Variants in SNAP47 observed in about 807,000 individuals in gnomAD.
SNAP47 encodes the protein synaptosomal-associated protein 47.
SNAP47 carries 20 observed loss-of-function variants against 31.4 expected under a neutral mutation model. The observed-to-expected ratio is 0.64, with a 90% CI of 0.45 to 0.93. The LOEUF is 0.93. Ranked by LOEUF, SNAP47 falls within the 40% of genes least tolerant of loss-of-function variation. The pLI is 0.00. For missense variants in SNAP47, 492 were observed against 528.5 expected, an observed-to-expected ratio of 0.93 and a Z score of 0.68; for synonymous variants, 194 against 213.4, an observed-to-expected ratio of 0.91 and a Z score of 0.79.
At chr1:227,754,957 G>T (rs971277587) in intron 2 of SNAP47, among the ~76,000 whole-genome samples, 1 of 152,154 alleles carries the variant, frequency 6.6e-6, no homozygotes, top group Non-Finnish European at 1.5e-5. Context: ...AAGCACCCCA[G>T]CCAACTGAAT....
upstream of SNAP47, chr1:227,735,285 C>A: frequency 6.2e-7 from 1 of 1,606,140 alleles, no homozygotes; most frequent in South Asian, 1.1e-5. Context: ...CAGCTCAGCA[C>A]GGGTCGAAGG....
chr1:227,759,046 T>G lies in SNAP47; in HGVS notation c.549T>G (p.Leu183=). ...CTTGGTGGCCCTTTAGCTCCAAGCT[T>G]TGGAAGACACCACCGGAAACAAAGC... is the stretch of plus-strand genomic sequence containing the variant. ...SPAWWPFSSK[L]WKTPPETKPR... Residue 183 remains leucine (L), a synonymous_variant, in exon 3 of 5, where the codon CTT becomes CTG. Transcript: ENST00000617596. 1 of 1,613,564 alleles carries G rather than the reference T, an allele frequency of 6.2e-7. No homozygotes were observed. Among genetic ancestry groups the G allele is most frequent in the Non-Finnish European group, 8.5e-7 (1 of 1,179,814 alleles).
intron 4 of SNAP47, chr1:227,768,331 T>A (rs1441184590): frequency 2.0e-6 from 2 of 985,442 alleles, no homozygotes; most frequent in Non-Finnish European, 2.4e-6. Flanking sequence ...ACGCAGGGCA[T>A]GGGCTCCCCG....
intron 1 of SNAP47, among the ~76,000 whole-genome samples, chr1:227,735,945 C>T (rs1399403537): frequency 2.8e-5 from 4 of 142,394 alleles, no homozygotes; most frequent in Non-Finnish European, 6.1e-5. Context: ...ACAGTGGGGA[C>T]CTGGAGAGGA....
At chr1:227,754,659 C>T (rs567015331) in intron 2 of SNAP47, among the ~76,000 whole-genome samples, 1 of 152,290 alleles carries the variant, frequency 6.6e-6, no homozygotes, top group South Asian at 2.1e-4. Flanking sequence ...TCATTGTGTG[C>T]TTGGCAGGTC....
At chr1:227,735,088 C>A, upstream of SNAP47, 1 of 1,571,982 alleles carries the variant, frequency 6.4e-7, no homozygotes, top group Non-Finnish European at 8.6e-7. Flanking sequence ...CCCAGCCCTG[C>A]GTGAAGGCGC....
chr1:227,735,739 C>T, intron 1 of SNAP47: 4 of 980,850 alleles, frequency 4.1e-6, no homozygotes, highest in Non-Finnish European at 4.8e-6. Context: ...CGGTGGGACC[C>T]AGAGGGAGAG....
intron 3 of SNAP47, among the ~76,000 whole-genome samples, chr1:227,760,907 A>G (rs1336041059): frequency 6.6e-6 from 1 of 152,214 alleles, no homozygotes; most frequent in Non-Finnish European, 1.5e-5. Flanking sequence ...TGCCATGGTA[A>G]AATCCACCGA....
intron 1 of SNAP47, among the ~76,000 whole-genome samples, chr1:227,729,596 G>A (rs541724077): frequency 2.6e-5 from 4 of 152,268 alleles, no homozygotes; most frequent in African/African-American, 9.6e-5. Context: ...AGGGTAGCTG[G>A]CCAAGGAGCT....
At chr1:227,739,029 G>C (rs764411749) in intron 1 of SNAP47, among the ~76,000 whole-genome samples, 7 of 152,172 alleles carry the variant, frequency 4.6e-5, no homozygotes, top group African/African-American at 7.2e-5. Flanking sequence ...AGGAGGCCTG[G>C]AGTGTTATCA....
At chr1:227,740,561 T>C (rs1332632389) in intron 1 of SNAP47, among the ~76,000 whole-genome samples, 3 of 152,068 alleles carry the variant, frequency 2.0e-5, no homozygotes, top group African/African-American at 7.2e-5. Context: ...ACACATATAA[T>C]GGAAAGACTG....
At position 227,751,744 on chromosome 1, in the gene SNAP47, GTTTTTTTT is replaced by G. The variant is rs540732076; in HGVS notation, c.497+3541_497+3548del. Among the ~76,000 whole-genome samples, 466 of 69,172 alleles carry G rather than the reference GTTTTTTTT, an allele frequency of 6.7e-3. 11 individuals carry two copies. The South Asian group carries it at 0.097, about 14-fold the overall frequency. 45.4% of individuals were successfully genotyped at this position (69,172 alleles called of 152,430 possible). A position where few individuals can be genotyped will look rare whatever the true frequency, so the allele number is the denominator to read the frequency against. ...ATGGGGCCAATTACATAAAGACTTG[GTTTTTTTT>G]TTTTTTTTTTTTTTTTTTTTTTTTT... On this transcript the variant is annotated intron_variant, in intron 2 of 4. Coordinates refer to ENST00000617596, the MANE Select transcript of SNAP47 (RefSeq NM_053052.4).
intron 4 of SNAP47, among the ~76,000 whole-genome samples, chr1:227,774,928 G>A (rs985655246): frequency 2.6e-5 from 4 of 152,214 alleles, no homozygotes; most frequent in Non-Finnish European, 4.4e-5. Flanking sequence ...TCCAGTCCAG[G>A]CCCAGCTCCT....
At chr1:227,770,582 T>C (rs1249483994) in intron 4 of SNAP47, 3 of 154,830 alleles carry the variant, frequency 1.9e-5, no homozygotes, top group Non-Finnish European at 2.9e-5. Context: ...AACTGGAGAA[T>C]GCATTGCATC....
chr1:227,738,015 G>GGTTTTTTT (rs1661342082), intron 1 of SNAP47, among the ~76,000 whole-genome samples: 1 of 151,600 alleles, frequency 6.6e-6, no homozygotes, highest in African/African-American at 2.4e-5. Context: ...GGTTTTTTTT[G>GGTTTTTTT]GTTTTTTTGT....
intron 2 of SNAP47, among the ~76,000 whole-genome samples, chr1:227,751,559 C>T (rs1477778663): frequency 6.6e-6 from 1 of 152,144 alleles, no homozygotes; most frequent in East Asian, 1.9e-4. Flanking sequence ...TGGCCTTTGC[C>T]CACGCCGGTC....
chr1:227,733,479 T>C (rs569643447), upstream of SNAP47: 13 of 1,592,434 alleles, frequency 8.2e-6, no homozygotes, highest in South Asian at 1.5e-4. Flanking sequence ...TCCTGCGTGA[T>C]CTCCAAGGGT....
At chr1:227,771,802 A>AC (rs1040311271) in intron 4 of SNAP47, among the ~76,000 whole-genome samples, 2 of 151,822 alleles carry the variant, frequency 1.3e-5, no homozygotes, top group African/African-American at 4.8e-5. Flanking sequence ...AGTGATGGGG[A>AC]CAGGAGGCCA....
chr1:227,771,825 C>T (rs1325243160), intron 4 of SNAP47, among the ~76,000 whole-genome samples: 1 of 152,116 alleles, frequency 6.6e-6, no homozygotes, highest in African/African-American at 2.4e-5. Flanking sequence ...CCAGGCACAG[C>T]CCTTGGGGTC....
Sources: allele counts gnomAD v4.1 joint callset (sites outside exome capture counted in the v4.1 genomes callset), GRCh38; gene constraint gnomAD v4.1.1; transcripts MANE v1.5; gene names NCBI Gene and HGNC (gene_info 2026-07-23, HGNC 2026-07-21).